Variants in MED12L observed in about 807,000 individuals in gnomAD.
MED12L encodes the protein mediator of RNA polymerase II transcription subunit 12-like protein.
MED12L carries 60 observed loss-of-function variants against 281.3 expected under a neutral mutation model. The ratio of observed to expected loss-of-function variants is 0.21; its 90% CI spans 0.17 to 0.26. The LOEUF is 0.26. Ranked by LOEUF, MED12L falls within the 10% of genes least tolerant of loss-of-function variation. The pLI, the probability that MED12L is intolerant of heterozygous loss-of-function variation, is 1.00. For synonymous variants in MED12L, 974 were observed against 987.2 expected (o/e 0.99, Z 0.25); for missense variants, 2,146 against 2,680.9 (o/e 0.80, Z 4.41).
chr3:151,406,504 T>A (rs906240662), intron 39 of MED12L, among the ~76,000 whole-genome samples: 1 of 152,212 alleles, frequency 6.6e-6, no homozygotes, highest in Non-Finnish European at 1.5e-5. Context: ...TAGGGATGTT[T>A]GTGATTTTCT....
intron 44 of MED12L, 54 bp downstream of exon 44, chr3:151,430,434 G>C: frequency 6.2e-7 from 1 of 1,606,354 alleles, no homozygotes; most frequent in Admixed American, 1.7e-5. Context: ...TTAAAAATAA[G>C]CCAGCGAAAC....
Position 151,178,157 on chromosome 3 carries a change from C to CAAAAAAAA in MED12L, c.1495-7153_1495-7146dup, listed in dbSNP as rs10572929. On this transcript the variant is annotated intron_variant, in intron 11 of 44. Coordinates refer to ENST00000687756, the MANE Select transcript of MED12L (RefSeq NM_001393769.1). ...TGGGCAACAGAATGAGACTTGGTCT[C>CAAAAAAAA]AAAAAAAAAAAAAAAAAAAAAAAAA... Among the ~76,000 whole-genome samples, 93 of 49,142 alleles carry CAAAAAAAA rather than the reference C, an allele frequency of 1.9e-3. 1 individual carries two copies. The highest frequency in any genetic ancestry group is 4.3e-3 in the South Asian group (4 of 932). The allele number at this position is 49,142 out of a possible 152,430, so 32.2% of individuals were successfully genotyped here. A position where few individuals can be genotyped will look rare whatever the true frequency, so the allele number is the denominator to read the frequency against.
rs778516389 is a variant in MED12L, at chr3:151,118,090, C to CAAA, written c.204+1663_204+1665dup. Among the ~76,000 whole-genome samples, 279 of 87,730 alleles carry CAAA rather than the reference C, an allele frequency of 3.2e-3. 3 individuals carry two copies. The highest frequency in any genetic ancestry group is 0.022 in the South Asian group (56 of 2,520). 57.6% of individuals were successfully genotyped at this position (87,730 alleles called of 152,430 possible). Reference sequence around the variant, plus strand: ...TGGGTGACAAAGCTAGACTCCATCTCAAAAAAAAAAAAAAAAAGGAATGTA... The same window carrying CAAA: ...TGGGTGACAAAGCTAGACTCCATCTCAAAAAAAAAAAAAAAAAAAAGGAATGTA... On this transcript the variant is annotated intron_variant, in intron 3 of 44. Coordinates refer to ENST00000687756, the MANE Select transcript of MED12L (RefSeq NM_001393769.1).
Position 151,185,481 on chromosome 3 carries a change from T to G in MED12L, c.1626+20T>G. On this transcript the variant is annotated intron_variant, in intron 12 of 44. Coordinates refer to ENST00000687756, the MANE Select transcript of MED12L (RefSeq NM_001393769.1). ...GCAGAGGTAGGTTCCATTTTCTTTC[T>G]GCTTGTTGAATGCCGTAATGTAAAA... The G allele has an allele frequency of 1.2e-6, 2 of 1,613,310 alleles. No individual in the cohort carries two copies. Among genetic ancestry groups the G allele is most frequent in the Non-Finnish European group, 1.7e-6 (2 of 1,179,630 alleles).
Position 151,434,468 on chromosome 3 carries a change from C to G in MED12L, c.*1664C>G, listed in dbSNP as rs1719870874. On this transcript the variant is annotated 3_prime_UTR_variant, in exon 45 of 45. Coordinates refer to ENST00000687756, the MANE Select transcript of MED12L (RefSeq NM_001393769.1). ...TACTCTGGGCTGGAAAAGACTTTGC[C>G]AAAACATTAAAAACTATTCTTTTCA... is the stretch of plus-strand genomic sequence containing the variant. The G allele has an allele frequency of 2.0e-5, 3 of 152,102 alleles. No homozygotes were observed. Among genetic ancestry groups the G allele is most frequent in the Admixed American group, 2.0e-4 (3 of 15,272 alleles). The allele number at this position is 152,102 out of a possible 1,614,324, so 9.4% of individuals were successfully genotyped here. A position where few individuals can be genotyped will look rare whatever the true frequency, so the allele number is the denominator to read the frequency against.
intron 3 of MED12L, among the ~76,000 whole-genome samples, chr3:151,120,803 C>T (rs984177947): frequency 3.9e-5 from 6 of 152,146 alleles, no homozygotes; most frequent in Non-Finnish European, 5.9e-5. Context: ...ATTGCTATTG[C>T]AATTAAATGT....
rs116600938 is a variant in MED12L at position 151,144,346 on chromosome 3, G to A, written c.557-11815G>A. On this transcript the variant is annotated intron_variant, in intron 5 of 44. Transcript: ENST00000687756. ...GAGAATTGGAGACCTGTGAGTGAAA[G>A]GGAGAATCCAAGAAAGGTGTCCAGT... is the stretch of plus-strand genomic sequence containing the variant. 7.9e-3 allele frequency among the ~76,000 whole-genome samples: 1,207 copies of A among 152,282 alleles called. 7 individuals carry two copies. Among genetic ancestry groups the A allele is most frequent in the Non-Finnish European group, 0.014 (931 of 68,018 alleles).
intron 5 of MED12L, among the ~76,000 whole-genome samples, chr3:151,132,012 A>G (rs1715471608): frequency 6.6e-6 from 1 of 152,168 alleles, no homozygotes; most frequent in Admixed American, 6.5e-5. Flanking sequence ...AGTATATTGC[A>G]GTTCATGGGT....
At chr3:151,183,884 AAGC>A (rs1722976005) in intron 11 of MED12L, among the ~76,000 whole-genome samples, 1 of 152,214 alleles carries the variant, frequency 6.6e-6, no homozygotes, top group African/African-American at 2.4e-5. Context: ...TAAAAACTGA[AAGC>A]AGTATTTTTA....
intron 16 of MED12L, among the ~76,000 whole-genome samples, chr3:151,349,246 A>C (rs1752934344): frequency 6.7e-6 from 1 of 148,926 alleles, no homozygotes; most frequent in African/African-American, 2.6e-5. Flanking sequence ...TTTCTTTCCC[A>C]CGTGGGGAAA....
chr3:151,315,662 C>T (rs1222646084), intron 16 of MED12L, among the ~76,000 whole-genome samples: 1 of 152,114 alleles, frequency 6.6e-6, no homozygotes, highest in African/African-American at 2.4e-5. Flanking sequence ...TCTCAATTGG[C>T]AGAAATAATA....
intron 16 of MED12L, among the ~76,000 whole-genome samples, chr3:151,244,524 A>G (rs1734933184): frequency 6.7e-6 from 1 of 149,824 alleles, no homozygotes; most frequent in Non-Finnish European, 1.5e-5. Flanking sequence ...ACTACTGGGT[A>G]CATAACGAAA....
intron 25 of MED12L, among the ~76,000 whole-genome samples, chr3:151,368,590 AT>A (rs1755584605): frequency 1.7e-5 from 1 of 58,770 alleles, no homozygotes; most frequent in Admixed American, 1.7e-4. Flanking sequence ...ATGGTGATTT[AT>A]TTTATTTTAT....
intron 16 of MED12L, among the ~76,000 whole-genome samples, chr3:151,296,076 C>A (rs1030238944): frequency 2.6e-5 from 4 of 151,990 alleles, no homozygotes; most frequent in Non-Finnish European, 4.4e-5. Context: ...TTTTCTCATT[C>A]TTATTAAGTT....
intron 16 of MED12L, among the ~76,000 whole-genome samples, chr3:151,207,534 G>A (rs1559877822): frequency 6.6e-6 from 1 of 152,054 alleles, no homozygotes; most frequent in African/African-American, 2.4e-5. Context: ...GGGCTTGGGT[G>A]TCTCTGTGAG....
intron 44 of MED12L, among the ~76,000 whole-genome samples, chr3:151,431,887 A>T (rs891134051): frequency 6.6e-6 from 1 of 152,218 alleles, no homozygotes; most frequent in African/African-American, 2.4e-5. Context: ...CACATTACAG[A>T]TGAGGAAGCA....
chr3:151,213,157 T>C (rs1727461345), intron 16 of MED12L: 1 of 627,844 alleles, frequency 1.6e-6, no homozygotes, highest in African/African-American at 1.9e-5. Flanking sequence ...CATGGAAACT[T>C]ATATTTGAAT....
At chr3:151,170,960 A>G (rs1179579033) in intron 11 of MED12L, among the ~76,000 whole-genome samples, 1 of 152,172 alleles carries the variant, frequency 6.6e-6, no homozygotes, top group Non-Finnish European at 1.5e-5. Flanking sequence ...TTCCCTGATC[A>G]TCCAACATTT....
chr3:151,389,127 C>A (rs942185326), intron 37 of MED12L, among the ~76,000 whole-genome samples: 1 of 152,188 alleles, frequency 6.6e-6, no homozygotes, highest in Non-Finnish European at 1.5e-5. Flanking sequence ...TTCAGTCTTC[C>A]TACCAGTATT....
Sources: gnomAD v4.1 joint callset for allele counts (sites outside exome capture counted in the v4.1 genomes callset) on GRCh38, gnomAD v4.1.1 for gene constraint, MANE v1.5 for transcripts, NCBI Gene and HGNC (gene_info 2026-07-23, HGNC 2026-07-21) for gene names.